Variants in UGT1A10 observed in about 807,000 individuals in gnomAD.
UGT1A10 encodes UDP-glucuronosyltransferase 1A10.
A neutral mutation model predicts 45.8 loss-of-function variants in UGT1A10; 49 were observed. The ratio of observed to expected loss-of-function variants is 1.07; its 90% CI spans 0.85 to 1.36. The LOEUF (loss-of-function observed/expected upper bound fraction) is 1.36, where lower values mean the gene tolerates loss of function less well. Ranked by LOEUF, UGT1A10 falls within the 40% of genes most tolerant of loss-of-function variation. UGT1A10 has a pLI of 0.00. For missense variants in UGT1A10, 745 were observed against 668.6 expected, an observed-to-expected ratio of 1.11 and a Z score of -1.26; for synonymous variants, 284 against 249.7, an observed-to-expected ratio of 1.14 and a Z score of -1.29.
In UGT1A10 at chr2:233,640,242, C is replaced by A. The variant is rs11902812; in HGVS notation, c.855+2865C>A. Among the ~76,000 whole-genome samples the A allele has an allele frequency of 5.0e-3, 756 of 152,232 alleles. 6 individuals are homozygous for A. The highest frequency in any genetic ancestry group is 0.017 in the African/African-American group (716 of 41,542). On this transcript the variant is annotated intron_variant, in intron 1 of 4. Transcript: ENST00000344644. ...TGAAAAGACTATAGTGTAATGTGCA[C>A]CTGTATATCAATCCTTAGGCTAAAT...
chr2:233,650,227 C>T (rs2073706133), intron 1 of UGT1A10, among the ~76,000 whole-genome samples: 1 of 152,202 alleles, frequency 6.6e-6, no homozygotes, highest in African/African-American at 2.4e-5. Flanking sequence ...GCCTCGGCCT[C>T]CCAAAGTGCT....
In UGT1A10 at chr2:233,725,076, A is replaced by G. The variant is rs376662690; in HGVS notation, c.856-41958A>G. ...GCGGCGCGCGCCTGCAATCGCAGGC[A>G]CTCGGCAGGCTGAGGCAGGAGAATC... On this transcript the variant is annotated intron_variant, in intron 1 of 4. Transcript: ENST00000344644. 5.6e-3 allele frequency among the ~76,000 whole-genome samples: 814 copies of G among 144,798 alleles called. 36 individuals carry two copies. Among genetic ancestry groups the G allele is most frequent in the Non-Finnish European group, 8.9e-3 (583 of 65,736 alleles). 95.0% of individuals were successfully genotyped at this position (144,798 alleles called of 152,430 possible).
intron 1 of UGT1A10, among the ~76,000 whole-genome samples, chr2:233,761,658 A>G (rs1473319616): frequency 6.6e-6 from 1 of 152,256 alleles, no homozygotes; most frequent in East Asian, 1.9e-4. Flanking sequence ...TAATGAGTGA[A>G]TCACCAGACA....
intron 1 of UGT1A10, among the ~76,000 whole-genome samples, chr2:233,674,829 T>C (rs995039373): frequency 3.9e-5 from 6 of 152,190 alleles, no homozygotes; most frequent in Admixed American, 3.9e-4. Flanking sequence ...GCAAAGAGCC[T>C]TGGATATGGC....
intron 1 of UGT1A10, chr2:233,682,503 A>G (rs2074581873): frequency 1.9e-6 from 3 of 1,613,718 alleles, no homozygotes; most frequent in East Asian, 2.2e-5. Context: ...CCTCTTTCCT[A>G]TGTCCCCAGA....
chr2:233,666,766 C>T (rs1216521650), intron 1 of UGT1A10, among the ~76,000 whole-genome samples: 1 of 151,620 alleles, frequency 6.6e-6, no homozygotes, highest in Non-Finnish European at 1.5e-5. Context: ...GTCATTTAAC[C>T]TTAGGTATCT....
chr2:233,650,112 A>G (rs2073703000), intron 1 of UGT1A10, among the ~76,000 whole-genome samples: 1 of 152,142 alleles, frequency 6.6e-6, no homozygotes, highest in African/African-American at 2.4e-5. Context: ...CTGGGATTAT[A>G]GGCACATGCC....
chr2:233,637,550 A>C (rs1464732109), intron 1 of UGT1A10, among the ~76,000 whole-genome samples, 173 bp downstream of exon 1: 3 of 152,230 alleles, frequency 2.0e-5, no homozygotes, highest in Non-Finnish European at 4.4e-5. Flanking sequence ...AATTTTATAA[A>C]ACTGCCCTTC....
chr2:233,765,493 A>G (rs1698849482), intron 1 of UGT1A10, among the ~76,000 whole-genome samples: 1 of 152,138 alleles, frequency 6.6e-6, no homozygotes, highest in African/African-American at 2.4e-5. Context: ...ATCCTCCACA[A>G]ACTAACACAG....
intron 1 of UGT1A10, among the ~76,000 whole-genome samples, chr2:233,752,736 C>A (rs1332947715): frequency 1.3e-5 from 2 of 152,164 alleles, no homozygotes; most frequent in African/African-American, 4.8e-5. Flanking sequence ...CAGAGAGAGA[C>A]CCTGTCTCTA....
intron 1 of UGT1A10, among the ~76,000 whole-genome samples, chr2:233,641,065 CA>C (rs1289805680): frequency 2.6e-5 from 4 of 152,180 alleles, no homozygotes; most frequent in African/African-American, 9.7e-5. Flanking sequence ...GCAACCTTGG[CA>C]TTATCAATAC....
Position 233,772,848 on chromosome 2 carries a change from A to T in UGT1A10, c.*289A>T. 1.3e-6 allele frequency: 1 copy of T among 775,120 alleles called. No homozygotes were observed. Among genetic ancestry groups the T allele is most frequent in the Non-Finnish European group, 1.8e-6 (1 of 542,660 alleles). The allele number at this position is 775,120 out of a possible 1,614,324, so 48.0% of individuals were successfully genotyped here. ...GCTGGCATTCTAGATTACTTTTCTT[A>T]CTCTGAAACATGGCCTGTTTGGGAG... On this transcript the variant is annotated 3_prime_UTR_variant, in exon 5 of 5. Coordinates refer to ENST00000344644, the MANE Select transcript of UGT1A10 (RefSeq NM_019075.4).
intron 1 of UGT1A10, among the ~76,000 whole-genome samples, chr2:233,694,872 C>G (rs2075245016): frequency 6.6e-6 from 1 of 152,168 alleles, no homozygotes; most frequent in Non-Finnish European, 1.5e-5. Context: ...TATAGTTGTA[C>G]ACATTTGGGG....
intron 1 of UGT1A10, among the ~76,000 whole-genome samples, chr2:233,640,154 A>T (rs1415174805): frequency 6.6e-6 from 1 of 152,214 alleles, no homozygotes; most frequent in Non-Finnish European, 1.5e-5. Context: ...TGACAAGACT[A>T]AGGCCTCCCA....
chr2:233,698,174 G>T (rs370008696), intron 1 of UGT1A10, among the ~76,000 whole-genome samples: 2 of 152,246 alleles, frequency 1.3e-5, no homozygotes, highest in South Asian at 4.1e-4. Context: ...AGAACATTCT[G>T]TATTATGATA....
At chr2:233,726,665 C>A (rs560065117) in intron 1 of UGT1A10, among the ~76,000 whole-genome samples, 2 of 152,280 alleles carry the variant, frequency 1.3e-5, no homozygotes, top group East Asian at 3.9e-4. Flanking sequence ...TTAATCATAT[C>A]TGTGAAGTCT....
At chr2:233,663,609 C>T (rs1475684734) in intron 1 of UGT1A10, among the ~76,000 whole-genome samples, 2 of 152,156 alleles carry the variant, frequency 1.3e-5, no homozygotes, top group Non-Finnish European at 2.9e-5. Context: ...AATTTCTAAT[C>T]TTGTGGCTAA....
intron 1 of UGT1A10, among the ~76,000 whole-genome samples, chr2:233,724,153 T>TG (rs1256567668): frequency 5.0e-4 from 26 of 52,120 alleles, no homozygotes; most frequent in African/African-American, 2.1e-3. Flanking sequence ...GCTGGCCGGG[T>TG]GGGGGGGCTG....
intron 1 of UGT1A10, among the ~76,000 whole-genome samples, chr2:233,640,129 A>C (rs1183915423): frequency 3.3e-5 from 5 of 152,216 alleles, no homozygotes; most frequent in Admixed American, 3.3e-4. Flanking sequence ...TCCAAATTCA[A>C]AGTTAACTTT....
Sources: allele counts gnomAD v4.1 joint callset (sites outside exome capture counted in the v4.1 genomes callset), GRCh38; gene constraint gnomAD v4.1.1; transcripts MANE v1.5; gene names NCBI Gene and HGNC (gene_info 2026-07-23, HGNC 2026-07-21).